The following AP1G1 variants were observed in gnomAD, a reference collection of about 807,000 sequenced individuals.
The protein encoded by AP1G1 is adaptor related protein complex 1 subunit gamma 1, also known as AP-1 complex subunit gamma-1.
A neutral mutation model predicts 108.3 loss-of-function variants in AP1G1; 7 were observed. That is an observed-to-expected ratio of 0.06 (90% CI 0.04 to 0.12). The LOEUF is 0.12. Ranked by LOEUF, AP1G1 falls within the 10% of genes least tolerant of loss-of-function variation. AP1G1 has a pLI of 1.00. For synonymous variants in AP1G1, 379 were observed against 353.5 expected (o/e 1.07, Z -0.81); for missense variants, 756 against 1,010.7 (o/e 0.75, Z 3.42).
intron 9 of AP1G1, among the ~76,000 whole-genome samples, chr16:71,763,034 C>T (rs545102242): frequency 1.3e-5 from 2 of 152,170 alleles, no homozygotes; most frequent in Non-Finnish European, 2.9e-5. Flanking sequence ...CACCAGAAAA[C>T]TGCTTGATGT....
chr16:71,760,406 G>T (rs868764311), intron 10 of AP1G1, among the ~76,000 whole-genome samples: 1 of 152,050 alleles, frequency 6.6e-6, no homozygotes, highest in East Asian at 1.9e-4. Context: ...TTAGCTGGGC[G>T]TGGTGGCGTT....
intron 9 of AP1G1, among the ~76,000 whole-genome samples, chr16:71,762,459 A>G (rs1247296862): frequency 6.6e-6 from 1 of 152,110 alleles, no homozygotes; most frequent in Admixed American, 6.5e-5. Flanking sequence ...TTTCCAGGGG[A>G]ACAACCATGA....
intron 19 of AP1G1, among the ~76,000 whole-genome samples, chr16:71,741,283 C>T (rs2045617353): frequency 6.6e-6 from 1 of 151,998 alleles, no homozygotes; most frequent in Admixed American, 6.6e-5. Flanking sequence ...CTAAAGAATA[C>T]TAGAAAAGTA....
intron 21 of AP1G1, among the ~76,000 whole-genome samples, chr16:71,737,619 C>T (rs1449984303): frequency 1.3e-5 from 2 of 152,160 alleles, no homozygotes; most frequent in African/African-American, 4.8e-5. Flanking sequence ...ATTCTGGCTC[C>T]TACAAAGTGT....
At chr16:71,748,168 T>G (rs906839025) in intron 16 of AP1G1, 83 bp downstream of exon 16, 7 of 1,461,680 alleles carry the variant, frequency 4.8e-6, no homozygotes, top group Non-Finnish European at 5.6e-6. Context: ...CTTGAAATTT[T>G]CCATGATAAC....
intron 10 of AP1G1, among the ~76,000 whole-genome samples, chr16:71,760,481 G>T (rs2031031231): frequency 6.7e-6 from 1 of 150,070 alleles, no homozygotes; most frequent in Non-Finnish European, 1.5e-5. Flanking sequence ...GGAGGCGGAG[G>T]TTGCAGTGAG....
chr16:71,748,430 G>A (rs1199281766), intron 15 of AP1G1, 52 bp from the exon 16 acceptor site: 1 of 1,585,006 alleles, frequency 6.3e-7, no homozygotes, highest in East Asian at 2.2e-5. Context: ...GCATGATTAA[G>A]CATCTAAATC....
At chr16:71,798,892 G>C (rs770789335) in intron 1 of AP1G1, among the ~76,000 whole-genome samples, 3 of 147,876 alleles carry the variant, frequency 2.0e-5, no homozygotes, top group Non-Finnish European at 4.5e-5. Flanking sequence ...CTGTCTCCCA[G>C]GAAAAAAAAA....
At chr16:71,746,884 CAT>C in intron 16 of AP1G1, 192 bp from the exon 17 acceptor site, 1 of 432,884 alleles carries the variant, frequency 2.3e-6, no homozygotes, top group South Asian at 3.3e-5. Context: ...ATACTATTCT[CAT>C]TGTAACACTA....
intron 1 of AP1G1, among the ~76,000 whole-genome samples, chr16:71,794,720 C>G (rs796579955): frequency 7.3e-5 from 11 of 151,526 alleles, no homozygotes; most frequent in African/African-American, 2.7e-4. Flanking sequence ...TTTCAATTCT[C>G]CTAAAATTTA....
At position 71,731,501 on chromosome 16, in the gene AP1G1, A is replaced by C. The variant is rs1476761280; in HGVS notation, c.*1557T>G. 6.6e-6 allele frequency: 1 copy of C among 152,524 alleles called. No individual in the cohort carries two copies. Among genetic ancestry groups the C allele is most frequent in the Non-Finnish European group, 1.5e-5 (1 of 68,000 alleles). 9.4% of individuals were successfully genotyped at this position (152,524 alleles called of 1,614,324 possible). ...TTATACTGTATTCAATACAGTAACA[A>C]TTGCAAACATTGTAAGAGCAAGGTG... On this transcript the variant is annotated 3_prime_UTR_variant, in exon 23 of 23. Transcript: ENST00000299980.
At position 71,771,256 on chromosome 16, in the gene AP1G1, TGAA is replaced by T; in HGVS notation, c.469-7_469-5del. The T allele has an allele frequency of 2.6e-6, 3 of 1,133,996 alleles. No homozygotes were observed. The South Asian group carries it at 5.2e-5, about 20-fold the overall frequency. 70.2% of individuals were successfully genotyped at this position (1,133,996 alleles called of 1,614,324 possible). On this transcript the variant is annotated splice_region_variant and splice_polypyrimidine_tract_variant and intron_variant, in intron 4 of 22. Transcript: ENST00000299980. ...CATGAACAGCACACAGTGCTGCCTA[TGAA>T]AAAAAAAATAAAAGAACAAAAGGTT... is the stretch of plus-strand genomic sequence containing the variant.
chr16:71,768,517 A>G (rs1226929458), intron 6 of AP1G1, among the ~76,000 whole-genome samples: 2 of 151,164 alleles, frequency 1.3e-5, no homozygotes, highest in African/African-American at 2.4e-5. Context: ...AAAAAAAGAG[A>G]GAAGGGAGTA....
At chr16:71,784,329 C>T (rs1426390455) in intron 2 of AP1G1, among the ~76,000 whole-genome samples, 1 of 152,208 alleles carries the variant, frequency 6.6e-6, no homozygotes, top group East Asian at 1.9e-4. Context: ...TCCAGGCAAT[C>T]TGGTTCTCTG....
At chr16:71,795,890 A>T (rs2032568408) in intron 1 of AP1G1, among the ~76,000 whole-genome samples, 1 of 152,210 alleles carries the variant, frequency 6.6e-6, no homozygotes, top group South Asian at 2.1e-4. Context: ...GTCTACAGTG[A>T]ATAAACGGAA....
chr16:71,784,655 T>A (rs544392290), intron 2 of AP1G1, among the ~76,000 whole-genome samples: 1 of 152,044 alleles, frequency 6.6e-6, no homozygotes, highest in Non-Finnish European at 1.5e-5. Flanking sequence ...ACCTTCCAGG[T>A]TCAAGTGATT....
In AP1G1 at chr16:71,748,746, G is replaced by T. The variant is rs2030319636; in HGVS notation, c.1498-368C>A. Among the ~76,000 whole-genome samples, 3 of 152,144 alleles carry T rather than the reference G, an allele frequency of 2.0e-5. No homozygotes were observed. In the South Asian group the frequency reaches 6.2e-4, roughly 32 times the overall value. On this transcript the variant is annotated intron_variant, in intron 15 of 22. Transcript: ENST00000299980. ...CCTTTTAAAGCCAGTCCTTTAATGTGCAAATAAGAACATGGATACATGTCT... is the reference window on the plus strand; with the variant it reads ...CCTTTTAAAGCCAGTCCTTTAATGTTCAAATAAGAACATGGATACATGTCT...
chr16:71,767,189 C>T (rs9930015), intron 6 of AP1G1, among the ~76,000 whole-genome samples: 2 of 152,074 alleles, frequency 1.3e-5, no homozygotes, highest in South Asian at 2.1e-4. Flanking sequence ...CATCACATAA[C>T]ATTACCCTGG....
intron 19 of AP1G1, among the ~76,000 whole-genome samples, 191 bp downstream of exon 19, chr16:71,744,953 G>A (rs747648804): frequency 2.6e-5 from 4 of 152,148 alleles, no homozygotes; most frequent in Non-Finnish European, 5.9e-5. Context: ...TAAGAAATCC[G>A]TATAAATTAT....
Sources: allele counts gnomAD v4.1 joint callset (sites outside exome capture counted in the v4.1 genomes callset), GRCh38; gene constraint gnomAD v4.1.1; transcripts MANE v1.5; gene names NCBI Gene and HGNC (gene_info 2026-07-23, HGNC 2026-07-21).